The following CRYM variants were observed in gnomAD, a reference collection of about 807,000 sequenced individuals.
CRYM encodes crystallin mu.
Under a neutral mutation model 32.9 loss-of-function variants are expected in CRYM, and 18 were observed. That is an observed-to-expected ratio of 0.55 (90% confidence interval 0.38 to 0.81). The LOEUF is 0.81. CRYM is among the 30% of genes least tolerant of loss of function. The pLI, the probability that CRYM is intolerant of heterozygous loss-of-function variation, is 0.00. For missense variants in CRYM, 337 were observed against 393.5 expected (o/e 0.86, Z 1.21); for synonymous variants, 153 against 152.4 (o/e 1.00, Z -0.03).
chr16:21,296,010 C>A (rs1180055375), intron 1 of CRYM, among the ~76,000 whole-genome samples: 1 of 151,976 alleles, frequency 6.6e-6, no homozygotes, highest in African/African-American at 2.4e-5. Context: ...TAAGAAAATT[C>A]ATCTCACTAA....
rs1173955606 is a variant in CRYM, at chr16:21,261,267, C to G, written c.867G>C (p.Val289=). 3.7e-6 allele frequency: 6 copies of G among 1,613,554 alleles called. No homozygotes were observed. The highest frequency in any genetic ancestry group is 5.1e-6 in the Non-Finnish European group (6 of 1,179,662). ...AATGGATCTTACCCAAAGACTTGAACACGGTGGTCTTCTCACAGTGGGCTG... is the reference window on the plus strand; with the variant it reads ...AATGGATCTTACCCAAAGACTTGAAGACGGTGGTCTTCTCACAGTGGGCTG... ...VKPAHCEKTT[V]FKSLGMAVED... is the part of the protein sequence containing the mutation. Residue 289 remains valine, a synonymous_variant, in exon 7 of 8, where the codon GTG becomes GTC. Coordinates refer to ENST00000572914, the MANE Select transcript of CRYM (RefSeq NM_001376256.1).
rs576008826 is a variant in CRYM at position 21,277,383 on chromosome 16, A to G, written c.324+48T>C. On this transcript the variant is annotated intron_variant, in intron 2 of 7. Coordinates refer to ENST00000572914, the MANE Select transcript of CRYM (RefSeq NM_001376256.1). The surrounding 1 kb of genome is among the most constrained non-coding windows in gnomAD (Gnocchi z 4.2). ...GCGGAGAACTTACTTTTGAGCTTCA[A>G]TCTGGGCCCAGGGGCCCCATTCCAC... The G allele has an allele frequency of 6.2e-6, 10 of 1,604,652 alleles. No individual in the cohort carries two copies. The highest frequency in any genetic ancestry group is 3.3e-5 in the Admixed American group (2 of 59,918).
At chr16:21,288,331 G>A (rs2093410763) in intron 1 of CRYM, among the ~76,000 whole-genome samples, 1 of 152,140 alleles carries the variant, frequency 6.6e-6, no homozygotes, top group South Asian at 2.1e-4. Context: ...AGTTAGTTTT[G>A]TAGTTTGTGT....
chr16:21,293,057 A>AGATAGATT (rs1463716717), intron 1 of CRYM, among the ~76,000 whole-genome samples: 1 of 151,756 alleles, frequency 6.6e-6, no homozygotes, highest in African/African-American at 2.4e-5. Context: ...ATAGATAGAT[A>AGATAGATT]GAATAAGATA....
Position 21,277,329 on chromosome 16 carries a change from G to A in CRYM, c.324+102C>T, listed in dbSNP as rs1053840396. Reference sequence around the variant, plus strand: ...TATCCAGTCACTTGCAGAGGGGCACGCGTAGTCACAATCAAGACTCCCCCT... The same window carrying A: ...TATCCAGTCACTTGCAGAGGGGCACACGTAGTCACAATCAAGACTCCCCCT... On this transcript the variant is annotated intron_variant, in intron 2 of 7. Transcript: ENST00000572914. This position sits in a 1 kb window ranked among gnomAD's most constrained non-coding sequence, Gnocchi z 4.2. The A allele has an allele frequency of 1.7e-5, 21 of 1,231,958 alleles. No individual in the cohort carries two copies. The highest frequency in any genetic ancestry group is 2.3e-5 in the Non-Finnish European group (20 of 863,778). 76.3% of individuals were successfully genotyped at this position (1,231,958 alleles called of 1,614,324 possible). A position where few individuals can be genotyped will look rare whatever the true frequency, so the allele number is the denominator to read the frequency against.
intron 1 of CRYM, among the ~76,000 whole-genome samples, chr16:21,290,493 C>T (rs2152864855): frequency 6.6e-6 from 1 of 152,238 alleles, no homozygotes; most frequent in South Asian, 2.1e-4. Flanking sequence ...TTGTAACACT[C>T]ACCGCAAGGG....
chr16:21,283,994 C>G (rs996872502), intron 1 of CRYM: 2 of 152,324 alleles, frequency 1.3e-5, no homozygotes, highest in African/African-American at 4.8e-5. Context: ...CCGGCCAGCC[C>G]TTCCTCCTTC....
chr16:21,292,723 TGACA>T (rs1312433892), intron 1 of CRYM, among the ~76,000 whole-genome samples: 2 of 147,360 alleles, frequency 1.4e-5, no homozygotes, highest in Non-Finnish European at 3.0e-5. Flanking sequence ...GAGACATAGA[TGACA>T]GATGGATGGA....
At chr16:21,263,660 G>A (rs2093358686) in intron 5 of CRYM, among the ~76,000 whole-genome samples, 1 of 152,236 alleles carries the variant, frequency 6.6e-6, no homozygotes, top group Non-Finnish European at 1.5e-5. Context: ...ATCCTCTATG[G>A]AGTCCAGGAC....
upstream of CRYM, among the ~76,000 whole-genome samples, chr16:21,280,004 C>T (rs2093395422): frequency 1.3e-5 from 2 of 152,124 alleles, no homozygotes; most frequent in South Asian, 2.1e-4. Flanking sequence ...TGCCCAGAGC[C>T]GCTGGGCTTA....
Position 21,278,170 on chromosome 16 carries a change from C to T in CRYM, c.82G>A (p.Glu28Lys), listed in dbSNP as rs1051809894. The change falls in exon 1 of 8, where the codon GAG becomes AAG. Residue 28 changes from glutamate to lysine, a missense_variant. By Grantham distance (56) the Glu-to-Lys change is moderately conservative. Coordinates refer to ENST00000572914, the MANE Select transcript of CRYM (RefSeq NM_001376256.1). Reference protein sequence around the residue: ...RSSSLLIPPLETALANFSSGP... With the variant: ...RSSSLLIPPLKTALANFSSGP... The stretch of plus-strand genomic sequence containing the variant: ...CTGGAGAAGTTGGCCAGGGCCGTCT[C>T]TAGAGGCGGGATGAGGAGGCTGGAG... The T allele has an allele frequency of 6.4e-7, 1 of 1,555,030 alleles. No homozygotes were observed. Among genetic ancestry groups the T allele is most frequent in the Non-Finnish European group, 8.7e-7 (1 of 1,149,646 alleles).
chr16:21,272,076 T>TG (rs1449358038), intron 3 of CRYM, among the ~76,000 whole-genome samples: 1 of 151,750 alleles, frequency 6.6e-6, no homozygotes, highest in East Asian at 1.9e-4. Context: ...TTGGCCAGGC[T>TG]GGTCTCGAAC....
At chr16:21,278,374 G>A, upstream of CRYM, 3 of 1,311,982 alleles carry the variant, frequency 2.3e-6, no homozygotes, top group Non-Finnish European at 3.2e-6. Flanking sequence ...CAGCCTCCGG[G>A]GGCGGAGCAA....
chr16:21,277,686 C>T lies in CRYM; in HGVS notation c.171-102G>A. 7.7e-7 allele frequency: 1 copy of T among 1,301,552 alleles called. No individual in the cohort carries two copies. The highest frequency in any genetic ancestry group is 1.3e-5 in the South Asian group (1 of 79,986). The allele number at this position is 1,301,552 out of a possible 1,614,324, so 80.6% of individuals were successfully genotyped here. On this transcript the variant is annotated intron_variant, in intron 1 of 7. Coordinates refer to ENST00000572914, the MANE Select transcript of CRYM (RefSeq NM_001376256.1). This position sits in a 1 kb window ranked among gnomAD's most constrained non-coding sequence, Gnocchi z 4.2. Reference sequence around the variant, plus strand: ...CTTTTTCTTTCCTTCCTCACCACCCCACTGGCCCTCTTCCAGCCCCCGCAT... The same window carrying T: ...CTTTTTCTTTCCTTCCTCACCACCCTACTGGCCCTCTTCCAGCCCCCGCAT...
intron 3 of CRYM, among the ~76,000 whole-genome samples, chr16:21,270,283 CTTTCT>C (rs1279782104): frequency 1.4e-5 from 2 of 146,972 alleles, no homozygotes; most frequent in African/African-American, 4.9e-5. Flanking sequence ...TTCTTTCTTT[CTTTCT>C]TTTCTTTTTT....
At chr16:21,288,429 T>C (rs983542171) in intron 1 of CRYM, among the ~76,000 whole-genome samples, 9 of 152,202 alleles carry the variant, frequency 5.9e-5, no homozygotes, top group Admixed American at 5.9e-4. Flanking sequence ...GTTCATAGTA[T>C]TCTCTTGTAA....
intron 5 of CRYM, among the ~76,000 whole-genome samples, chr16:21,263,240 G>C (rs2093357871): frequency 6.6e-6 from 1 of 151,898 alleles, no homozygotes; most frequent in African/African-American, 2.4e-5. Flanking sequence ...TGTCTCTACT[G>C]AAATACAAAA....
In CRYM at chr16:21,291,000, C is replaced by G. The variant is rs180917972; in HGVS notation, c.-193+11978G>C. On this transcript the variant is annotated intron_variant, in intron 1 of 9. Coordinates refer to the CRYM transcript ENST00000219599. ...TTTTCCAAAGCTGTAATTATCAACA[C>G]AAACTATGTTTCAAGAAATCAGGGG... Among the ~76,000 whole-genome samples, 37 of 152,310 alleles carry G rather than the reference C, an allele frequency of 2.4e-4. 1 individual carries two copies. Among genetic ancestry groups the G allele is most frequent in the Admixed American group, 2.2e-3 (34 of 15,302 alleles).
chr16:21,293,400 T>A (rs1029922304), intron 1 of CRYM, among the ~76,000 whole-genome samples: 1 of 152,126 alleles, frequency 6.6e-6, no homozygotes, highest in African/African-American at 2.4e-5. Context: ...GTGAGGATTC[T>A]GCAGAAAAGA....
Sources: allele counts gnomAD v4.1 joint callset (sites outside exome capture counted in the v4.1 genomes callset), GRCh38; gene constraint gnomAD v4.1.1; non-coding constraint Gnocchi (gnomAD v3.1); transcripts MANE v1.5; gene names NCBI Gene and HGNC (gene_info 2026-07-23, HGNC 2026-07-21).